The following TBC1D4 variants were observed in gnomAD, a reference collection of about 807,000 sequenced individuals.
TBC1D4 encodes the protein TBC (Tre-2, BUB2, CDC16) domain-containing protein.
A neutral mutation model predicts 142.5 loss-of-function variants in TBC1D4; 121 were observed. The ratio of observed to expected loss-of-function variants is 0.85; its 90% confidence interval spans 0.73 to 0.99. The LOEUF is 0.99. Among genes scored for constraint, TBC1D4 ranks in the 50% least tolerant of loss-of-function variants. The pLI is 0.00. For synonymous variants in TBC1D4, 630 were observed against 628.2 expected (o/e 1.00, Z -0.04); for missense variants, 1,475 against 1,606.6 (o/e 0.92, Z 1.40).
At chr13:75,295,753 G>A (rs935875009) in intron 17 of TBC1D4, among the ~76,000 whole-genome samples, 3 of 152,150 alleles carry the variant, frequency 2.0e-5, no homozygotes, top group African/African-American at 7.2e-5. Flanking sequence ...TACAGATAAA[G>A]CAGTAGTAAG....
At chr13:75,375,181 A>G (rs1307524406) in intron 1 of TBC1D4, among the ~76,000 whole-genome samples, 1 of 152,236 alleles carries the variant, frequency 6.6e-6, no homozygotes, top group African/African-American at 2.4e-5. Flanking sequence ...AGTCTGCAGT[A>G]ACAAAATAAA....
chr13:75,338,145 C>A (rs536757797), intron 7 of TBC1D4, among the ~76,000 whole-genome samples: 9 of 152,034 alleles, frequency 5.9e-5, no homozygotes, highest in Non-Finnish European at 1.0e-4. Flanking sequence ...ACAGGAAAAT[C>A]AGACTGAAAC....
intron 11 of TBC1D4, among the ~76,000 whole-genome samples, chr13:75,322,506 T>A (rs1878858521): frequency 6.6e-6 from 1 of 152,136 alleles, no homozygotes; most frequent in South Asian, 2.1e-4. Flanking sequence ...AAGCAGGAAC[T>A]CCTGAAAGCA....
At chr13:75,349,768 TAAGTA>T (rs1200909036) in intron 4 of TBC1D4, among the ~76,000 whole-genome samples, 1 of 152,220 alleles carries the variant, frequency 6.6e-6, no homozygotes, top group Non-Finnish European at 1.5e-5. Flanking sequence ...CAAAAAGTGT[TAAGTA>T]AAGTTCTGGA....
chr13:75,301,505 C>T (rs1446913258), intron 16 of TBC1D4, among the ~76,000 whole-genome samples: 1 of 151,832 alleles, frequency 6.6e-6, no homozygotes, highest in Admixed American at 6.6e-5. Context: ...ATTAGCCGGG[C>T]GTGGTGGCTG....
chr13:75,302,333 AT>A lies in TBC1D4; in HGVS notation c.2820del (p.Arg940SerfsTer17). On this transcript the variant is annotated frameshift_variant, in exon 16 of 21. Transcript: ENST00000377636. LOFTEE classifies it high-confidence loss of function. Reference protein sequence around the residue: ...FLALQYRLRHRLPNKQQPPDI... With the variant: ...FLALQYRLRHXLPNKQQPPDI... ...TCAGGAGGCTGTTGTTTATTAGGCA[AT>A]CTGTGTCTGAGTCGGTACTGTAAAG... 1 of 1,614,172 alleles carries A rather than the reference AT, an allele frequency of 6.2e-7. No individual in the cohort carries two copies. Among genetic ancestry groups the A allele is most frequent in the South Asian group, 1.1e-5 (1 of 91,078 alleles).
intron 1 of TBC1D4, among the ~76,000 whole-genome samples, chr13:75,419,094 C>T (rs1239716994): frequency 1.3e-5 from 2 of 152,150 alleles, no homozygotes; most frequent in African/African-American, 2.4e-5. Flanking sequence ...CACACACACA[C>T]AAATGGAGAT....
At chr13:75,289,999 TAACCA>T (rs1355590650) in intron 19 of TBC1D4, among the ~76,000 whole-genome samples, 1 of 152,182 alleles carries the variant, frequency 6.6e-6, no homozygotes, top group African/African-American at 2.4e-5. Flanking sequence ...TATCCTCAAA[TAACCA>T]TCATCTTTTC....
chr13:75,413,884 C>G (rs979956510), intron 1 of TBC1D4, among the ~76,000 whole-genome samples: 1 of 152,154 alleles, frequency 6.6e-6, no homozygotes, highest in Non-Finnish European at 1.5e-5. Context: ...TAAAACCAAA[C>G]ATGGTTCTCC....
At chr13:75,392,352 C>T (rs1423020991) in intron 1 of TBC1D4, among the ~76,000 whole-genome samples, 1 of 152,150 alleles carries the variant, frequency 6.6e-6, no homozygotes, top group East Asian at 1.9e-4. Context: ...TCCATCACAC[C>T]CCTCAGCTGA....
chr13:75,409,160 G>A (rs188805540), intron 1 of TBC1D4, among the ~76,000 whole-genome samples: 15 of 152,070 alleles, frequency 9.9e-5, no homozygotes, highest in East Asian at 5.8e-4. Context: ...GAATATATAC[G>A]TAAGTCTTCA....
chr13:75,471,029 G>A (rs1437371733), intron 1 of TBC1D4, among the ~76,000 whole-genome samples: 2 of 150,360 alleles, frequency 1.3e-5, no homozygotes, highest in African/African-American at 4.9e-5. Context: ...TGAAAATACT[G>A]GAGAAATTAA....
intron 1 of TBC1D4, among the ~76,000 whole-genome samples, chr13:75,381,896 A>G (rs1419959948): frequency 6.6e-6 from 1 of 152,250 alleles, no homozygotes; most frequent in Non-Finnish European, 1.5e-5. Context: ...TACAGTACCA[A>G]TCTATGGAGA....
In TBC1D4 at chr13:75,341,080, A is replaced by C. The variant is rs80143047; in HGVS notation, c.1611+45T>G. ...TACAAAGGGAAGAATTAACAAAATT[A>C]TTAAACAACAACAAAAGTAGGTGAA... is the stretch of plus-strand genomic sequence containing the variant. On this transcript the variant is annotated intron_variant, in intron 7 of 20. Coordinates refer to ENST00000377636, the MANE Select transcript of TBC1D4 (RefSeq NM_014832.5). The C allele has an allele frequency of 0.53, 829,250 of 1,565,250 alleles. 224,973 individuals carry two copies. The highest frequency in any genetic ancestry group is 0.77 in the East Asian group (34,198 of 44,544).
intron 13 of TBC1D4, 33 bp from the exon 14 acceptor site, chr13:75,310,184 T>C (rs759797458): frequency 5.6e-6 from 9 of 1,598,482 alleles, no homozygotes; most frequent in Non-Finnish European, 3.4e-6. Flanking sequence ...AGGCATTCCT[T>C]AGCAGTAACC....
chr13:75,388,871 A>T (rs1884322057), intron 1 of TBC1D4, among the ~76,000 whole-genome samples: 1 of 152,200 alleles, frequency 6.6e-6, no homozygotes, highest in African/African-American at 2.4e-5. Context: ...GTTATAATTA[A>T]AATTTCATGC....
chr13:75,379,985 A>T (rs915057607), intron 1 of TBC1D4, among the ~76,000 whole-genome samples: 2 of 139,714 alleles, frequency 1.4e-5, no homozygotes, highest in Non-Finnish European at 3.0e-5. Flanking sequence ...GGCTCACCGC[A>T]ATCTCTGCTA....
In TBC1D4 at chr13:75,477,556, GTTAA is replaced by G. The variant is rs10600762; in HGVS notation, c.498+3710_498+3713del. Among the ~76,000 whole-genome samples the G allele has an allele frequency of 1.0e-2, 1,518 of 152,120 alleles. 25 individuals carry two copies. The highest frequency in any genetic ancestry group is 0.034 in the African/African-American group (1,429 of 41,494). ...GATGCTTCAAAACTCACAGGCAAAT[GTTAA>G]TTAAAAATTAACATAACAAAGTCTC... On this transcript the variant is annotated intron_variant, in intron 1 of 20. Transcript: ENST00000377636.
chr13:75,481,195 T>TCCCCCCCCCCCCCCCCCC, intron 1 of TBC1D4, 75 bp downstream of exon 1: 22 of 1,292,708 alleles, frequency 1.7e-5, no homozygotes, highest in Middle Eastern at 2.8e-4. Context: ...TAAAGTGGGG[T>TCCCCCCCCCCCCCCCCCC]CCCCGCCCCT....
Sources: gnomAD v4.1 joint callset for allele counts (sites outside exome capture counted in the v4.1 genomes callset) on GRCh38, gnomAD v4.1.1 for gene constraint, MANE v1.5 for transcripts, NCBI Gene and HGNC (gene_info 2026-07-23, HGNC 2026-07-21) for gene names.